The following ARL6IP6 variants were observed in gnomAD, a reference collection of about 807,000 sequenced individuals.
ARL6IP6 encodes the protein ADP-ribosylation factor-like protein 6-interacting protein 6.
Under a neutral mutation model 21.5 loss-of-function variants are expected in ARL6IP6, and 22 were observed. The observed-to-expected ratio is 1.02, with a 90% CI of 0.73 to 1.46. The LOEUF is 1.46. ARL6IP6 is among the 40% of genes most tolerant of loss of function. The pLI is 0.00. For missense variants in ARL6IP6, 388 were observed against 299.8 expected, an observed-to-expected ratio of 1.29 and a Z score of -2.17; for synonymous variants, 164 against 125.3, an observed-to-expected ratio of 1.31 and a Z score of -2.06.
At chr2:152,751,822 T>C (rs1701346475) in intron 3 of ARL6IP6, among the ~76,000 whole-genome samples, 1 of 152,198 alleles carries the variant, frequency 6.6e-6, no homozygotes, top group African/African-American at 2.4e-5. Flanking sequence ...TTGTGAATGG[T>C]GCTGCAGTAA....
intron 3 of ARL6IP6, among the ~76,000 whole-genome samples, 163 bp downstream of exon 3, chr2:152,735,289 C>A (rs1033650436): frequency 6.6e-6 from 1 of 152,162 alleles, no homozygotes; most frequent in Non-Finnish European, 1.5e-5. Flanking sequence ...CCTTTAGATA[C>A]ATGAGAATAA....
At chr2:152,727,773 G>A (rs1484037821) in intron 2 of ARL6IP6, among the ~76,000 whole-genome samples, 5 of 152,190 alleles carry the variant, frequency 3.3e-5, no homozygotes, top group Non-Finnish European at 7.3e-5. Flanking sequence ...GCTCATAGGT[G>A]TGTAGTAGGC....
Position 152,718,810 on chromosome 2 carries a change from G to T in ARL6IP6, c.186G>T (p.Gly62=). ...ARDLRAEFSA[G]AWSEPRKRSV... The stretch of plus-strand genomic sequence containing the variant: ...ACCTGCGGGCGGAGTTCTCGGCTGG[G>T]GCGTGGTCAGAGCCCAGAAAGCGCT... The change falls in exon 1 of 4, where the codon GGG becomes GGT. Residue 62 remains glycine (G), a synonymous_variant. Transcript: ENST00000326446. 1.2e-6 allele frequency: 2 copies of T among 1,608,340 alleles called. No homozygotes were observed. Among genetic ancestry groups the T allele is most frequent in the Non-Finnish European group, 8.5e-7 (1 of 1,177,224 alleles).
rs1700916367 is a variant in ARL6IP6 at position 152,743,628 on chromosome 2, T to G, written c.587+8502T>G. The stretch of plus-strand genomic sequence containing the variant: ...AAGGGAGTTACTATGCCAAGGAAGC[T>G]CCTTAATAGGACTATTATTTTATGC... On this transcript the variant is annotated intron_variant, in intron 3 of 3. Transcript: ENST00000326446. 2.0e-5 allele frequency among the ~76,000 whole-genome samples: 3 copies of G among 152,132 alleles called. No homozygotes were observed. In the South Asian group the frequency reaches 6.2e-4, roughly 31 times the overall value.
chr2:152,732,939 A>T (rs1700388099), intron 2 of ARL6IP6, among the ~76,000 whole-genome samples: 1 of 151,518 alleles, frequency 6.6e-6, no homozygotes, highest in African/African-American at 2.4e-5. Context: ...TGAATTCCAG[A>T]TACGGAACTT....
At chr2:152,724,109 CAAAA>C (rs546002979) in intron 2 of ARL6IP6, among the ~76,000 whole-genome samples, 4 of 74,260 alleles carry the variant, frequency 5.4e-5, no homozygotes, top group Non-Finnish European at 7.2e-5. Flanking sequence ...TGACTAAGGC[CAAAA>C]AAAAAAAAAA....
upstream of ARL6IP6, chr2:152,718,574 G>A (rs1275004359): frequency 1.3e-6 from 2 of 1,486,338 alleles, no homozygotes; most frequent in African/African-American, 2.8e-5. Flanking sequence ...GACCCGGGGC[G>A]GGGCAGGTGG....
intron 1 of ARL6IP6, chr2:152,719,750 GAAA>G (rs11328553): frequency 0.088 from 22,229 of 251,884 alleles, 631 homozygotes; most frequent in Middle Eastern, 0.16. Flanking sequence ...CCAAGTTACT[GAAA>G]AAAAAAAAAA....
upstream of ARL6IP6, chr2:152,718,051 A>T (rs199940239): frequency 4.6e-5 from 46 of 994,640 alleles, no homozygotes; most frequent in Non-Finnish European, 5.4e-5. Flanking sequence ...GGGAAGTTGT[A>T]GTACGGGTGG....
At chr2:152,721,853 A>G (rs771422199) in intron 2 of ARL6IP6, among the ~76,000 whole-genome samples, 1 of 152,258 alleles carries the variant, frequency 6.6e-6, no homozygotes, top group African/African-American at 2.4e-5. Flanking sequence ...TAGATATTGC[A>G]TGGAAACTTT....
chr2:152,724,101 A>G (rs986675947), intron 2 of ARL6IP6, among the ~76,000 whole-genome samples: 1 of 136,024 alleles, frequency 7.4e-6, no homozygotes, highest in Non-Finnish European at 1.6e-5. Flanking sequence ...AGAAATGATG[A>G]CTAAGGCCAA....
chr2:152,747,704 G>A (rs947608744), intron 3 of ARL6IP6, among the ~76,000 whole-genome samples: 4 of 151,872 alleles, frequency 2.6e-5, no homozygotes, highest in East Asian at 3.9e-4. Context: ...GCCTCCAGAG[G>A]AGCTAGGATT....
chr2:152,739,398 C>T (rs566471736), intron 3 of ARL6IP6, among the ~76,000 whole-genome samples: 105 of 152,328 alleles, frequency 6.9e-4, no homozygotes, highest in African/African-American at 2.4e-3. Flanking sequence ...TTCCACAGAT[C>T]TCTAGAGCAG....
intron 3 of ARL6IP6, among the ~76,000 whole-genome samples, chr2:152,757,307 A>G (rs557662660): frequency 6.6e-6 from 1 of 152,296 alleles, no homozygotes; most frequent in Non-Finnish European, 1.5e-5. Flanking sequence ...GTTGGTGAGT[A>G]TATGAGAGTC....
chr2:152,742,104 T>C (rs192935664), intron 3 of ARL6IP6, among the ~76,000 whole-genome samples: 2 of 152,214 alleles, frequency 1.3e-5, no homozygotes, highest in African/African-American at 4.8e-5. Flanking sequence ...CCCTGTTCAT[T>C]GTCTGGGTTT....
intron 2 of ARL6IP6, among the ~76,000 whole-genome samples, chr2:152,726,322 G>A (rs1298623747): frequency 1.3e-5 from 2 of 152,066 alleles, no homozygotes; most frequent in Non-Finnish European, 2.9e-5. Context: ...CGGGCGATTG[G>A]GTGAAGGCCT....
chr2:152,743,671 A>G (rs1700917905), intron 3 of ARL6IP6, among the ~76,000 whole-genome samples: 1 of 152,124 alleles, frequency 6.6e-6, no homozygotes, highest in Admixed American at 6.5e-5. Flanking sequence ...ATCCATAGAT[A>G]TTTATTTCCA....
At chr2:152,718,101 G>T, upstream of ARL6IP6, 2 of 988,238 alleles carry the variant, frequency 2.0e-6, no homozygotes, top group Non-Finnish European at 2.4e-6. Flanking sequence ...GAGCAGTTAA[G>T]GAACCGCGAG....
At chr2:152,736,473 C>A (rs1349791549) in intron 3 of ARL6IP6, among the ~76,000 whole-genome samples, 2 of 152,190 alleles carry the variant, frequency 1.3e-5, no homozygotes, top group Non-Finnish European at 2.9e-5. Flanking sequence ...ATTTCACTCA[C>A]CAGAGCTTGA....
Sources: gnomAD v4.1 joint callset for allele counts (sites outside exome capture counted in the v4.1 genomes callset) on GRCh38, gnomAD v4.1.1 for gene constraint, MANE v1.5 for transcripts, NCBI Gene and HGNC (gene_info 2026-07-23, HGNC 2026-07-21) for gene names.